ETV1: variants seen among roughly 807,000 people sequenced by gnomAD.
ETV1 encodes ETS variant transcription factor 1.
Under a neutral mutation model 62.3 loss-of-function variants are expected in ETV1, and 27 were observed. That is an observed-to-expected ratio of 0.43 (90% CI 0.32 to 0.60). The LOEUF (loss-of-function observed/expected upper bound fraction) is 0.60. Ranked by LOEUF, ETV1 falls within the 20% of genes least tolerant of loss-of-function variation. ETV1 has a pLI of 0.06. For synonymous variants in ETV1, 222 were observed against 199.6 expected (o/e 1.11, Z -0.94); for missense variants, 605 against 605.8 (o/e 1.00, Z 0.01).
chr7:13,923,700 C>G (rs542931119), intron 9 of ETV1, among the ~76,000 whole-genome samples: 116 of 152,018 alleles, frequency 7.6e-4, no homozygotes, highest in Middle Eastern at 3.4e-3. Context: ...ATATGAGGAG[C>G]CTGGGAGGGG....
At chr7:13,986,468 A>G (rs1782562269) in intron 5 of ETV1, 170 bp downstream of exon 5, 5 of 1,505,490 alleles carry the variant, frequency 3.3e-6, no homozygotes, top group South Asian at 1.3e-5. Flanking sequence ...GTACAGCCCC[A>G]GAGTCCCCAA....
chr7:13,896,789 A>AAAGAAAGAAAGAAAGG (rs1491140240), intron 13 of ETV1, among the ~76,000 whole-genome samples: 7 of 151,286 alleles, frequency 4.6e-5, no homozygotes, highest in African/African-American at 1.5e-4. Context: ...AGAAAGAAAG[A>AAAGAAAGAAAGAAAGG]AAGGATACAC....
At chr7:13,971,863 C>A (rs1374058684) in intron 6 of ETV1, among the ~76,000 whole-genome samples, 1 of 152,160 alleles carries the variant, frequency 6.6e-6, no homozygotes, top group Non-Finnish European at 1.5e-5. Flanking sequence ...GTAATCCCAG[C>A]ACTTTGGGAA....
At chr7:13,977,368 A>T in intron 6 of ETV1, 59 bp downstream of exon 6, 1 of 1,190,278 alleles carries the variant, frequency 8.4e-7, no homozygotes, top group Non-Finnish European at 1.2e-6. Flanking sequence ...AAAGAGAAAG[A>T]AGAAAGAAGG....
chr7:13,910,157 T>C (rs576679342), intron 10 of ETV1, among the ~76,000 whole-genome samples: 1 of 151,934 alleles, frequency 6.6e-6, no homozygotes, highest in South Asian at 2.1e-4. Context: ...TCTTACTTTC[T>C]TGTAAAAATA....
intron 9 of ETV1, among the ~76,000 whole-genome samples, chr7:13,914,826 G>A (rs571041266): frequency 2.0e-5 from 3 of 152,244 alleles, no homozygotes; most frequent in African/African-American, 4.8e-5. Context: ...CTCCTTTAGG[G>A]CAGAGTTTGC....
chr7:13,988,895 A>C (rs1157838717), intron 3 of ETV1, 113 bp downstream of exon 3: 3 of 1,543,116 alleles, frequency 1.9e-6, no homozygotes, highest in Non-Finnish European at 8.9e-7. Context: ...GCAACAAAGC[A>C]GATAAGTATC....
intron 9 of ETV1, among the ~76,000 whole-genome samples, chr7:13,930,609 C>G (rs1046902347): frequency 2.0e-5 from 3 of 152,014 alleles, no homozygotes; most frequent in African/African-American, 7.3e-5. Flanking sequence ...GCGTGAGCCA[C>G]CAGACTGGAA....
intron 6 of ETV1, among the ~76,000 whole-genome samples, chr7:13,945,540 A>G (rs1360822367): frequency 6.6e-6 from 1 of 152,198 alleles, no homozygotes; most frequent in Non-Finnish European, 1.5e-5. Flanking sequence ...TGAGGAAAAA[A>G]GAGAAAGCCA....
At chr7:13,915,471 A>T (rs1784044171) in intron 9 of ETV1, among the ~76,000 whole-genome samples, 1 of 152,236 alleles carries the variant, frequency 6.6e-6, no homozygotes, top group Non-Finnish European at 1.5e-5. Context: ...GCATAGTGAC[A>T]GATCTTGCCA....
intron 7 of ETV1, among the ~76,000 whole-genome samples, chr7:13,936,138 T>C (rs897144698): frequency 2.6e-5 from 4 of 152,216 alleles, no homozygotes; most frequent in African/African-American, 9.6e-5. Context: ...TGTGTATTTT[T>C]AATGCATATA....
intron 5 of ETV1, among the ~76,000 whole-genome samples, chr7:13,980,467 T>C (rs937155572): frequency 6.6e-6 from 1 of 152,158 alleles, no homozygotes. Context: ...GCAATGTTTT[T>C]TCCACTACTA....
At chr7:13,906,722 A>G in intron 11 of ETV1, 123 bp from the exon 12 acceptor site, 1 of 639,960 alleles carries the variant, frequency 1.6e-6, no homozygotes, top group Non-Finnish European at 2.6e-6. Flanking sequence ...GCATTTATGA[A>G]ATATATTATT....
At chr7:13,932,901 G>C (rs1786359341) in intron 8 of ETV1, among the ~76,000 whole-genome samples, 1 of 152,158 alleles carries the variant, frequency 6.6e-6, no homozygotes, top group Non-Finnish European at 1.5e-5. Context: ...GATTGCTTTA[G>C]CATTTCTAAG....
At chr7:13,955,016 T>C (rs983069735) in intron 6 of ETV1, among the ~76,000 whole-genome samples, 6 of 152,178 alleles carry the variant, frequency 3.9e-5, no homozygotes, top group African/African-American at 1.2e-4. Context: ...TTCCTGACAA[T>C]AAACACCTTC....
chr7:13,903,882 T>G (rs1023812283), intron 12 of ETV1, among the ~76,000 whole-genome samples: 15 of 152,096 alleles, frequency 9.9e-5, no homozygotes, highest in African/African-American at 3.6e-4. Context: ...AGATTATGCG[T>G]TTTCTAAAGT....
intron 6 of ETV1, among the ~76,000 whole-genome samples, chr7:13,945,494 T>C (rs998917045): frequency 2.0e-5 from 3 of 151,878 alleles, no homozygotes. Context: ...TGAATCTGAG[T>C]TGGCAAAAAA....
intron 6 of ETV1, among the ~76,000 whole-genome samples, chr7:13,972,148 T>C (rs895413644): frequency 2.0e-5 from 3 of 151,778 alleles, no homozygotes; most frequent in Non-Finnish European, 2.9e-5. Flanking sequence ...ATTTAAAATA[T>C]ATGATTTAAG....
chr7:13,899,470 T>C (rs997584511), intron 13 of ETV1, among the ~76,000 whole-genome samples: 4 of 152,208 alleles, frequency 2.6e-5, no homozygotes, highest in African/African-American at 7.2e-5. Context: ...CAATAGACAA[T>C]GTTCTAGGAA....
Sources: allele counts gnomAD v4.1 joint callset (sites outside exome capture counted in the v4.1 genomes callset), GRCh38; gene constraint gnomAD v4.1.1; transcripts MANE v1.5; gene names NCBI Gene and HGNC (gene_info 2026-07-23, HGNC 2026-07-21).